Variants in GLCCI1 observed in about 807,000 individuals in gnomAD.
GLCCI1 encodes the protein glucocorticoid-induced transcript 1 protein.
A neutral mutation model predicts 52.2 loss-of-function variants in GLCCI1; 24 were observed. That is an observed-to-expected ratio of 0.46 (90% CI 0.33 to 0.65). The LOEUF is 0.65. Ranked by LOEUF, GLCCI1 falls within the 30% of genes least tolerant of loss-of-function variation. GLCCI1 has a pLI of 0.02. For missense variants in GLCCI1, 704 were observed against 701.5 expected (o/e 1.00, Z -0.04); for synonymous variants, 310 against 276.5 (o/e 1.12, Z -1.20).
intron 3 of GLCCI1, among the ~76,000 whole-genome samples, chr7:8,025,688 AAC>A (rs1781604014): frequency 1.3e-5 from 2 of 152,208 alleles, no homozygotes; most frequent in African/African-American, 2.4e-5. Flanking sequence ...CAACTAGGAA[AAC>A]ACAAAGAGAG....
At chr7:8,037,816 G>A (rs1274521129) in intron 3 of GLCCI1, among the ~76,000 whole-genome samples, 3 of 152,038 alleles carry the variant, frequency 2.0e-5, no homozygotes, top group Non-Finnish European at 4.4e-5. Flanking sequence ...TAATGATAAA[G>A]GGATCAATTC....
At chr7:8,073,971 A>G (rs1782821755) in intron 6 of GLCCI1, among the ~76,000 whole-genome samples, 1 of 152,232 alleles carries the variant, frequency 6.6e-6, no homozygotes. Context: ...TACCATCTTT[A>G]TAAAGAGAAA....
intron 1 of GLCCI1, among the ~76,000 whole-genome samples, chr7:8,000,108 G>A (rs969354125): frequency 7.2e-5 from 11 of 152,128 alleles, no homozygotes; most frequent in South Asian, 6.2e-4. Flanking sequence ...CTTTATATAG[G>A]CCTTTTAAAT....
At chr7:8,031,336 A>G (rs1781743623) in intron 3 of GLCCI1, among the ~76,000 whole-genome samples, 1 of 152,150 alleles carries the variant, frequency 6.6e-6, no homozygotes, top group Admixed American at 6.5e-5. Flanking sequence ...TGTGGGATAT[A>G]AAAATCAAAA....
At position 8,088,220 on chromosome 7, in the gene GLCCI1, T is replaced by C. The variant is rs1469133031; in HGVS notation, c.*1682T>C. 2 of 138,448 alleles carry C rather than the reference T, an allele frequency of 1.4e-5. No individual in the cohort carries two copies. Among genetic ancestry groups the C allele is most frequent in the African/African-American group, 5.6e-5 (2 of 35,610 alleles). The allele number at this position is 138,448 out of a possible 1,614,324, so 8.6% of individuals were successfully genotyped here. On this transcript the variant is annotated 3_prime_UTR_variant, in exon 8 of 8. Transcript: ENST00000223145. ...ACCATTGATTTTTTTTTTTAAGAAA[T>C]GATATATATATGTATATGTTTGTGT... is the stretch of plus-strand genomic sequence containing the variant.
intron 2 of GLCCI1, among the ~76,000 whole-genome samples, chr7:8,012,432 CTTTTTTTTTTTTTTTTTT>C (rs71014746): frequency 5.0e-4 from 35 of 70,404 alleles, no homozygotes; most frequent in African/African-American, 1.9e-3. Flanking sequence ...CCTTTTTATT[CTTTTTTTTTTTTTTTTTT>C]TTTTTTTTTT....
intron 1 of GLCCI1, among the ~76,000 whole-genome samples, chr7:8,001,826 C>T (rs1002393837): frequency 3.9e-5 from 6 of 152,134 alleles, no homozygotes; most frequent in African/African-American, 1.4e-4. Context: ...AGCTGGAAAC[C>T]ATCATTCTGA....
intron 1 of GLCCI1, among the ~76,000 whole-genome samples, chr7:7,991,323 G>A (rs1302358727): frequency 6.6e-6 from 1 of 152,006 alleles, no homozygotes; most frequent in Admixed American, 6.6e-5. Flanking sequence ...CATGAGAAGG[G>A]CTATTCACTT....
chr7:7,998,229 C>CTTTTTTTTTTTTT (rs1780980676), intron 1 of GLCCI1, among the ~76,000 whole-genome samples: 1 of 137,590 alleles, frequency 7.3e-6, no homozygotes, highest in Non-Finnish European at 1.6e-5. Flanking sequence ...TTTTGTTTTG[C>CTTTTTTTTTTTTT]TTTTGAGACG....
chr7:7,972,363 AC>A (rs1780371448), intron 1 of GLCCI1, among the ~76,000 whole-genome samples: 1 of 152,036 alleles, frequency 6.6e-6, no homozygotes, highest in Non-Finnish European at 1.5e-5. Flanking sequence ...GGGTGTTAAA[AC>A]TGCGTTTGAA....
chr7:8,084,402 T>G (rs1165937831), intron 6 of GLCCI1, among the ~76,000 whole-genome samples: 1 of 152,168 alleles, frequency 6.6e-6, no homozygotes, highest in Non-Finnish European at 1.5e-5. Context: ...TATAAACTTG[T>G]TTTTTTCCCC....
chr7:8,010,292 C>T (rs1387997147), intron 2 of GLCCI1, among the ~76,000 whole-genome samples: 2 of 152,134 alleles, frequency 1.3e-5, no homozygotes, highest in African/African-American at 4.8e-5. Flanking sequence ...CTTCTTGCTT[C>T]TTTCTTCTTT....
intron 5 of GLCCI1, among the ~76,000 whole-genome samples, chr7:8,062,738 G>A (rs1164145432): frequency 1.3e-5 from 2 of 152,120 alleles, no homozygotes; most frequent in African/African-American, 2.4e-5. Context: ...TTCTGTTCCT[G>A]TGTTAGTTTA....
intron 3 of GLCCI1, among the ~76,000 whole-genome samples, chr7:8,040,236 A>G (rs1213040603): frequency 6.6e-6 from 1 of 152,160 alleles, no homozygotes; most frequent in Non-Finnish European, 1.5e-5. Context: ...CTATAATCCC[A>G]GCACTTAGGG....
intron 1 of GLCCI1, among the ~76,000 whole-genome samples, chr7:7,992,539 A>G (rs1401147715): frequency 1.3e-5 from 2 of 152,100 alleles, no homozygotes; most frequent in Non-Finnish European, 2.9e-5. Flanking sequence ...CTTTAGCTTT[A>G]TCAGATATAT....
chr7:8,074,916 T>TA (rs1045824881), intron 6 of GLCCI1, among the ~76,000 whole-genome samples: 22 of 152,294 alleles, frequency 1.4e-4, no homozygotes, highest in African/African-American at 5.3e-4. Flanking sequence ...GTAGAGTAAC[T>TA]AGTTCAGACA....
chr7:8,052,661 T>C (rs1267539668), intron 3 of GLCCI1, among the ~76,000 whole-genome samples: 1 of 152,226 alleles, frequency 6.6e-6, no homozygotes, highest in Non-Finnish European at 1.5e-5. Context: ...ACATTAGAAA[T>C]AAGAATTACT....
intron 1 of GLCCI1, among the ~76,000 whole-genome samples, chr7:7,987,281 C>T (rs1387644034): frequency 6.6e-6 from 1 of 152,172 alleles, no homozygotes; most frequent in Non-Finnish European, 1.5e-5. Flanking sequence ...CCTGAAAACC[C>T]TAGCCGTTCT....
At chr7:8,082,039 C>T (rs1350601311) in intron 6 of GLCCI1, among the ~76,000 whole-genome samples, 2 of 152,214 alleles carry the variant, frequency 1.3e-5, no homozygotes, top group Non-Finnish European at 2.9e-5. Context: ...AATGAGAAAA[C>T]TTACCATTAC....
Sources: allele counts gnomAD v4.1 joint callset (sites outside exome capture counted in the v4.1 genomes callset), GRCh38; gene constraint gnomAD v4.1.1; transcripts MANE v1.5; gene names NCBI Gene and HGNC (gene_info 2026-07-23, HGNC 2026-07-21).